GPR141: variants seen among roughly 807,000 people sequenced by gnomAD.
GPR141 encodes the protein G protein-coupled receptor 141.
Under a neutral mutation model 6.8 loss-of-function variants are expected in GPR141, and 6 were observed. The observed-to-expected ratio is 0.88, with a 90% confidence interval of 0.48 to 1.74. The LOEUF is 1.74. Among genes scored for constraint, GPR141 ranks in the 40% most tolerant of loss-of-function variants. GPR141 has a pLI of 0.01. For synonymous variants in GPR141, 140 were observed against 142.3 expected (o/e 0.98, Z 0.11); for missense variants, 372 against 372.9 (o/e 1.00, Z 0.02).
Position 37,711,869 on chromosome 7 carries a change from C to T in GPR141, c.-15+26286C>T, listed in dbSNP as rs759420012. On this transcript the variant is annotated intron_variant, in intron 2 of 2. Transcript: ENST00000334425. ...AGACAAAAGAGTACACTGATTCGCT[C>T]GAGTAACGGCTTCCAGGTTTAATTT... 4.6e-5 allele frequency among the ~76,000 whole-genome samples: 7 copies of T among 152,160 alleles called. 1 individual carries two copies. Among genetic ancestry groups the T allele is most frequent in the Admixed American group, 3.9e-4 (6 of 15,276 alleles).
chr7:37,716,264 A>C (rs1272244421), intron 2 of GPR141, among the ~76,000 whole-genome samples: 5 of 152,214 alleles, frequency 3.3e-5, no homozygotes, highest in Non-Finnish European at 7.3e-5. Flanking sequence ...TATTATGGAG[A>C]GGGAGGAGCT....
rs61160687 is a variant in GPR141, at chr7:37,718,524, A to AAGGAAGGAAGGAAGGAAGG, written c.-14-21855_-14-21854insGGAAGGAAGGAAGGAAGGA. 2.0e-3 allele frequency among the ~76,000 whole-genome samples: 111 copies of AAGGAAGGAAGGAAGGAAGG among 55,422 alleles called. 3 individuals are homozygous for AAGGAAGGAAGGAAGGAAGG. The highest frequency in any genetic ancestry group is 5.6e-3 in the African/African-American group (109 of 19,438). The allele number at this position is 55,422 out of a possible 152,430, so 36.4% of individuals were successfully genotyped here. ...GAGACTCTGTCTCGAAGGAAGGAAG[A>AAGGAAGGAAGGAAGGAAGG]AAGGAAGGAAGGAAGGAAGGAAGGA... On this transcript the variant is annotated intron_variant, in intron 2 of 2. Coordinates refer to ENST00000334425, the MANE Select transcript of GPR141 (RefSeq NM_001381946.1).
At chr7:37,710,444 C>T (rs932720429) in intron 2 of GPR141, among the ~76,000 whole-genome samples, 1 of 152,140 alleles carries the variant, frequency 6.6e-6, no homozygotes, top group Non-Finnish European at 1.5e-5. Context: ...TATCATTTAT[C>T]CATAAATATT....
intron 2 of GPR141, among the ~76,000 whole-genome samples, chr7:37,734,800 G>A (rs1171867185): frequency 1.3e-5 from 2 of 152,216 alleles, no homozygotes; most frequent in African/African-American, 4.8e-5. Flanking sequence ...AGATGGATGG[G>A]GAGGGGAGAG....
At chr7:37,730,899 T>C (rs1378729079) in intron 2 of GPR141, among the ~76,000 whole-genome samples, 1 of 152,278 alleles carries the variant, frequency 6.6e-6, no homozygotes, top group African/African-American at 2.4e-5. Context: ...GTTGTTAAGC[T>C]TTGAACTTTC....
At chr7:37,694,450 C>T (rs1445786492) in intron 2 of GPR141, among the ~76,000 whole-genome samples, 1 of 152,162 alleles carries the variant, frequency 6.6e-6, no homozygotes, top group Non-Finnish European at 1.5e-5. Flanking sequence ...AGGGGCAGGG[C>T]GCAGCAACAA....
At chr7:37,712,098 C>T (rs1810826124) in intron 2 of GPR141, among the ~76,000 whole-genome samples, 1 of 152,176 alleles carries the variant, frequency 6.6e-6, no homozygotes, top group African/African-American at 2.4e-5. Context: ...TCTCCCGTTA[C>T]TTGATTAACA....
At chr7:37,736,858 C>T (rs537198032) in intron 2 of GPR141, among the ~76,000 whole-genome samples, 2 of 151,910 alleles carry the variant, frequency 1.3e-5, no homozygotes, top group Non-Finnish European at 2.9e-5. Flanking sequence ...TTCAAGAAGA[C>T]ATAAAAATCA....
At chr7:37,722,615 G>T (rs1465254946) in intron 2 of GPR141, among the ~76,000 whole-genome samples, 1 of 151,754 alleles carries the variant, frequency 6.6e-6, no homozygotes, top group African/African-American at 2.4e-5. Flanking sequence ...CCAGCTGCTT[G>T]GGAGGTTGAT....
chr7:37,731,219 T>C (rs1811912740), intron 2 of GPR141, among the ~76,000 whole-genome samples: 1 of 152,204 alleles, frequency 6.6e-6, no homozygotes, highest in South Asian at 2.1e-4. Flanking sequence ...ATGTTATTGA[T>C]CCTGCATACT....
chr7:37,699,580 A>C (rs2131751598), intron 2 of GPR141, among the ~76,000 whole-genome samples: 1 of 152,218 alleles, frequency 6.6e-6, no homozygotes, highest in East Asian at 1.9e-4. Flanking sequence ...AACAAAACAA[A>C]TAGGTGTAGT....
At chr7:37,718,511 C>T (rs1038448676) in intron 2 of GPR141, among the ~76,000 whole-genome samples, 7 of 87,262 alleles carry the variant, frequency 8.0e-5, no homozygotes, top group Admixed American at 3.9e-4. Context: ...GACTCTGTCT[C>T]GAAGGAAGGA....
intron 1 of GPR141, among the ~76,000 whole-genome samples, chr7:37,684,407 A>G (rs1250818844): frequency 6.6e-6 from 1 of 152,214 alleles, no homozygotes; most frequent in African/African-American, 2.4e-5. Context: ...AGTATATTCA[A>G]AATAACATGT....
chr7:37,687,268 A>G (rs1302397903), intron 2 of GPR141, among the ~76,000 whole-genome samples: 1 of 152,102 alleles, frequency 6.6e-6, no homozygotes, highest in Non-Finnish European at 1.5e-5. Flanking sequence ...AATATCTAGT[A>G]TATGATTCAT....
rs544543596 is a variant in GPR141, at chr7:37,719,106, A to G, written c.-14-21274A>G. On this transcript the variant is annotated intron_variant, in intron 2 of 2. Coordinates refer to ENST00000334425, the MANE Select transcript of GPR141 (RefSeq NM_001381946.1). ...CTGTGATGTGGAGCATGGCCAGTTT[A>G]TACTTAAAAATGTCCACACAGTTCT... 3.3e-5 allele frequency among the ~76,000 whole-genome samples: 5 copies of G among 152,314 alleles called. No homozygotes were observed. The South Asian group carries it at 1.0e-3, about 32-fold the overall frequency.
intron 2 of GPR141, among the ~76,000 whole-genome samples, chr7:37,724,831 A>G (rs368663406): frequency 1.3e-5 from 2 of 152,198 alleles, no homozygotes; most frequent in South Asian, 2.1e-4. Flanking sequence ...GGTGGGGCCT[A>G]TGGGGCTGGA....
chr7:37,690,181 G>GTTTGTT (rs576051124), intron 2 of GPR141, among the ~76,000 whole-genome samples: 2 of 151,788 alleles, frequency 1.3e-5, no homozygotes, highest in African/African-American at 4.8e-5. Context: ...TTTTTTGTTT[G>GTTTGTT]TTTGTTTTTG....
intron 2 of GPR141, among the ~76,000 whole-genome samples, chr7:37,690,782 A>T (rs554224569): frequency 1.3e-5 from 2 of 151,932 alleles, no homozygotes; most frequent in African/African-American, 2.4e-5. Flanking sequence ...AAAAAAGTGT[A>T]TTCTGCAGCC....
intron 2 of GPR141, among the ~76,000 whole-genome samples, chr7:37,714,339 A>G (rs1405022947): frequency 6.6e-6 from 1 of 152,154 alleles, no homozygotes; most frequent in Admixed American, 6.5e-5. Flanking sequence ...TAATTTTGCT[A>G]CTGGAACTAG....
Sources: allele counts gnomAD v4.1 joint callset (sites outside exome capture counted in the v4.1 genomes callset), GRCh38; gene constraint gnomAD v4.1.1; transcripts MANE v1.5; gene names NCBI Gene and HGNC (gene_info 2026-07-23, HGNC 2026-07-21).